Variants in NR6A1 observed in about 807,000 individuals in gnomAD.
NR6A1 encodes the protein nuclear receptor subfamily 6 group A member 1, also known as retinoic acid receptor-related testis-associated receptor.
Under a neutral mutation model 59.1 loss-of-function variants are expected in NR6A1, and 7 were observed. The ratio of observed to expected loss-of-function variants is 0.12; its 90% CI spans 0.07 to 0.22. The LOEUF is 0.22. Among genes scored for constraint, NR6A1 ranks in the 10% least tolerant of loss-of-function variants. The probability of loss-of-function intolerance (pLI) is 1.00; values close to 1 mark genes in which losing one functional copy is unlikely to be tolerated. For synonymous variants in NR6A1, 243 were observed against 236.1 expected, an observed-to-expected ratio of 1.03 and a Z score of -0.27; for missense variants, 468 against 611.6, an observed-to-expected ratio of 0.77 and a Z score of 2.48.
At chr9:124,596,156 G>T (rs974497905) in intron 2 of NR6A1, among the ~76,000 whole-genome samples, 1 of 152,052 alleles carries the variant, frequency 6.6e-6, no homozygotes, top group East Asian at 1.9e-4. Context: ...TATTTAAAAG[G>T]GTTCTGGTAT....
rs1312930126 is a variant in NR6A1, at chr9:124,770,890, G to A, written c.100+130C>T. 4 of 461,886 alleles carry A rather than the reference G, an allele frequency of 8.7e-6. No homozygotes were observed. In the Admixed American group the frequency reaches 1.3e-4, roughly 15 times the overall value. The allele number at this position is 461,886 out of a possible 1,614,324, so 28.6% of individuals were successfully genotyped here. A position where few individuals can be genotyped will look rare whatever the true frequency, so the allele number is the denominator to read the frequency against. Reference sequence around the variant, plus strand: ...GCGCCAACGGGGAACGGGGTGAAGGGCCACCCTAAGGGGCCGCGGGGCCGC... The same window carrying A: ...GCGCCAACGGGGAACGGGGTGAAGGACCACCCTAAGGGGCCGCGGGGCCGC... On this transcript the variant is annotated intron_variant, in intron 1 of 9. Transcript: ENST00000487099.
chr9:124,526,411 CTCT>C (rs1178152778), intron 8 of NR6A1, among the ~76,000 whole-genome samples: 3 of 152,130 alleles, frequency 2.0e-5, no homozygotes, highest in African/African-American at 7.2e-5. Flanking sequence ...AGTCACTCTG[CTCT>C]TCTTCAGTCA....
chr9:124,714,476 C>T (rs1176521334), intron 2 of NR6A1, among the ~76,000 whole-genome samples: 1 of 152,166 alleles, frequency 6.6e-6, no homozygotes, highest in East Asian at 1.9e-4. Flanking sequence ...TGAACTCCTT[C>T]CCCCTAAGAT....
At chr9:124,569,530 C>T (rs1273470411) in intron 2 of NR6A1, among the ~76,000 whole-genome samples, 1 of 152,152 alleles carries the variant, frequency 6.6e-6, no homozygotes, top group East Asian at 1.9e-4. Flanking sequence ...TTATTGACAA[C>T]TAAGGCAATC....
intron 9 of NR6A1, among the ~76,000 whole-genome samples, chr9:124,523,921 T>C (rs576686360): frequency 6.6e-6 from 1 of 152,296 alleles, no homozygotes; most frequent in Non-Finnish European, 1.5e-5. Flanking sequence ...CAGTATCTGC[T>C]GGACAGCCAG....
At chr9:124,752,044 G>A (rs1000500255) in intron 1 of NR6A1, among the ~76,000 whole-genome samples, 12 of 152,216 alleles carry the variant, frequency 7.9e-5, no homozygotes, top group Admixed American at 5.2e-4. Context: ...CCCGGGGTGG[G>A]CGGATCACTT....
In NR6A1 at chr9:124,524,889, AAAC is replaced by A; in HGVS notation, c.1202-19_1202-17del. 8 of 1,592,976 alleles carry A rather than the reference AAAC, an allele frequency of 5.0e-6. No individual in the cohort carries two copies. Among genetic ancestry groups the A allele is most frequent in the East Asian group, 2.2e-5 (1 of 44,756 alleles). On this transcript the variant is annotated splice_polypyrimidine_tract_variant and intron_variant, in intron 8 of 9. Transcript: ENST00000487099. ...CCCCTGATATCTGTGGAAAAAAAAAAAACACACACACACATACAGGGAATGGGA... is the reference window on the plus strand; with the variant it reads ...CCCCTGATATCTGTGGAAAAAAAAAAACACACACACATACAGGGAATGGGA...
intron 2 of NR6A1, among the ~76,000 whole-genome samples, chr9:124,577,802 G>A (rs1482431649): frequency 1.3e-5 from 2 of 152,144 alleles, no homozygotes; most frequent in Non-Finnish European, 2.9e-5. Flanking sequence ...CAGTGTTTAA[G>A]GGCAGCTTCC....
intron 2 of NR6A1, among the ~76,000 whole-genome samples, chr9:124,700,434 T>G (rs184488288): frequency 1.8e-3 from 269 of 152,058 alleles, no homozygotes; most frequent in African/African-American, 6.0e-3. Context: ...TTGGCAAGGC[T>G]GGTCTCGAAC....
intron 9 of NR6A1, among the ~76,000 whole-genome samples, chr9:124,523,306 C>T (rs548738403): frequency 6.6e-6 from 1 of 152,242 alleles, no homozygotes; most frequent in Admixed American, 6.5e-5. Context: ...ATTTGAGAAA[C>T]TCAGGGTTAA....
At chr9:124,675,126 C>T (rs1442991143) in intron 2 of NR6A1, among the ~76,000 whole-genome samples, 1 of 152,204 alleles carries the variant, frequency 6.6e-6, no homozygotes, top group Non-Finnish European at 1.5e-5. Context: ...GAAGAGGTAT[C>T]TAAAGACGCA....
At chr9:124,531,240 C>T (rs573404624) in intron 7 of NR6A1, among the ~76,000 whole-genome samples, 5 of 152,340 alleles carry the variant, frequency 3.3e-5, no homozygotes, top group African/African-American at 1.2e-4. Context: ...TAGCTCAAGG[C>T]ATCTTCTCCT....
intron 2 of NR6A1, among the ~76,000 whole-genome samples, chr9:124,624,729 A>G (rs1243541983): frequency 6.6e-6 from 1 of 152,192 alleles, no homozygotes; most frequent in Non-Finnish European, 1.5e-5. Flanking sequence ...TTGTGATTTG[A>G]GCTTGCCATT....
chr9:124,756,036 T>C (rs187882954), intron 1 of NR6A1, among the ~76,000 whole-genome samples: 2 of 150,100 alleles, frequency 1.3e-5, no homozygotes, highest in African/African-American at 5.1e-5. Flanking sequence ...ATGACAAACT[T>C]AATTATTTTT....
chr9:124,579,047 T>G (rs1834686937), intron 2 of NR6A1, among the ~76,000 whole-genome samples: 1 of 152,202 alleles, frequency 6.6e-6, no homozygotes, highest in Non-Finnish European at 1.5e-5. Flanking sequence ...TTTGGGAGTC[T>G]GAGACAGGTG....
intron 1 of NR6A1, among the ~76,000 whole-genome samples, chr9:124,746,581 C>A (rs1840341461): frequency 6.6e-6 from 1 of 151,748 alleles, no homozygotes; most frequent in Non-Finnish European, 1.5e-5. Context: ...GAGCGAGACT[C>A]CGTCTAAAAA....
chr9:124,596,436 T>C (rs1330742803), intron 2 of NR6A1, among the ~76,000 whole-genome samples: 1 of 152,166 alleles, frequency 6.6e-6, no homozygotes, highest in Admixed American at 6.5e-5. Context: ...TTACTTTAAC[T>C]CTAGCCCTTC....
intron 3 of NR6A1, among the ~76,000 whole-genome samples, chr9:124,547,435 A>G (rs1833631898): frequency 6.6e-6 from 1 of 152,126 alleles, no homozygotes. Context: ...TATACCCTAC[A>G]TGTAGATAAC....
intron 2 of NR6A1, among the ~76,000 whole-genome samples, chr9:124,607,986 T>A (rs535562293): frequency 6.6e-6 from 1 of 152,222 alleles, no homozygotes; most frequent in Admixed American, 6.5e-5. Flanking sequence ...GCATGAGGAT[T>A]GCTTGAGCCC....
Sources: gnomAD v4.1 joint callset for allele counts (sites outside exome capture counted in the v4.1 genomes callset) on GRCh38, gnomAD v4.1.1 for gene constraint, MANE v1.5 for transcripts, NCBI Gene and HGNC (gene_info 2026-07-23, HGNC 2026-07-21) for gene names.